The following PPFIBP2 variants were observed in gnomAD, a reference collection of about 807,000 sequenced individuals.
The protein encoded by PPFIBP2 is liprin-beta-2.
PPFIBP2 carries 118 observed loss-of-function variants against 118.3 expected under a neutral mutation model. The observed-to-expected ratio is 1.00, with a 90% CI of 0.86 to 1.16. PPFIBP2 has a LOEUF of 1.16. Ranked by LOEUF, PPFIBP2 falls within the 50% of genes most tolerant of loss-of-function variation. The pLI is 0.00. For synonymous variants in PPFIBP2, 414 were observed against 397.4 expected (o/e 1.04, Z -0.50); for missense variants, 1,195 against 1,073.1 (o/e 1.11, Z -1.59).
intron 2 of PPFIBP2, among the ~76,000 whole-genome samples, chr11:7,552,538 T>G (rs1012786369): frequency 1.3e-5 from 2 of 152,204 alleles, no homozygotes; most frequent in African/African-American, 4.8e-5. Flanking sequence ...TCTTGCTCCC[T>G]TATAGACTGT....
At chr11:7,635,659 A>G (rs372492137) in intron 14 of PPFIBP2, 66 bp downstream of exon 14, 52 of 1,514,558 alleles carry the variant, frequency 3.4e-5, no homozygotes, top group Non-Finnish European at 5.5e-6. Context: ...TTAATTTAGC[A>G]AGTCATAGTT....
intron 3 of PPFIBP2, chr11:7,577,330 T>TGTGTGTGTGTGTGC (rs1856534551): frequency 4.2e-6 from 1 of 239,884 alleles, no homozygotes; most frequent in Non-Finnish European, 8.4e-6. Flanking sequence ...CGTGTGTGTG[T>TGTGTGTGTGTGTGC]GTGTGTGTGT....
intron 23 of PPFIBP2, 122 bp downstream of exon 23, chr11:7,651,966 A>C: frequency 1.0e-6 from 1 of 972,280 alleles, no homozygotes; most frequent in Non-Finnish European, 1.5e-6. Flanking sequence ...AGGATCTTTC[A>C]GCTTCTGCTG....
At chr11:7,562,964 T>TACACACACACACAC (rs1854500580) in intron 2 of PPFIBP2, among the ~76,000 whole-genome samples, 1 of 62,836 alleles carries the variant, frequency 1.6e-5, no homozygotes, top group African/African-American at 7.6e-5. Context: ...TATATATATA[T>TACACACACACACAC]ATATATATAT....
chr11:7,596,956 G>A (rs909104105), intron 4 of PPFIBP2, among the ~76,000 whole-genome samples: 3 of 152,158 alleles, frequency 2.0e-5, no homozygotes, highest in Non-Finnish European at 4.4e-5. Context: ...GCCACCGTAT[G>A]TGTAATGTGG....
At chr11:7,522,194 G>A (rs1353474563) in intron 1 of PPFIBP2, among the ~76,000 whole-genome samples, 2 of 152,110 alleles carry the variant, frequency 1.3e-5, no homozygotes, top group African/African-American at 2.4e-5. Flanking sequence ...AGAGAGAAGG[G>A]AGCAGAGGCA....
chr11:7,535,766 G>T (rs556797114), intron 1 of PPFIBP2, among the ~76,000 whole-genome samples: 3 of 152,194 alleles, frequency 2.0e-5, no homozygotes, highest in African/African-American at 7.2e-5. Flanking sequence ...AGGTTCTCCA[G>T]TGCCCTGGTT....
At chr11:7,649,857 C>T (rs889263920) in intron 21 of PPFIBP2, among the ~76,000 whole-genome samples, 2 of 152,210 alleles carry the variant, frequency 1.3e-5, no homozygotes, top group Non-Finnish European at 2.9e-5. Context: ...GACCTCTAAG[C>T]TCCCACCCTC....
chr11:7,557,847 C>G (rs1853816235), intron 2 of PPFIBP2, among the ~76,000 whole-genome samples: 1 of 152,144 alleles, frequency 6.6e-6, no homozygotes, highest in African/African-American at 2.4e-5. Context: ...GCTATTGCTA[C>G]TCCTGTGGAC....
At chr11:7,549,320 GCTA>G in intron 1 of PPFIBP2, 117 bp from the exon 2 acceptor site, 2 of 877,814 alleles carry the variant, frequency 2.3e-6, no homozygotes, top group South Asian at 1.6e-5. Context: ...CTACATGTCG[GCTA>G]CTATGATTCT....
chr11:7,566,320 T>A (rs1219586821), intron 3 of PPFIBP2, among the ~76,000 whole-genome samples: 2 of 152,206 alleles, frequency 1.3e-5, no homozygotes, highest in African/African-American at 4.8e-5. Context: ...ATCCTGTATC[T>A]GGACAAAGAA....
intron 7 of PPFIBP2, among the ~76,000 whole-genome samples, chr11:7,621,785 A>G (rs931911163): frequency 1.3e-5 from 2 of 152,206 alleles, no homozygotes; most frequent in African/African-American, 4.8e-5. Flanking sequence ...GCCTTCCCCT[A>G]CTGTGTCTGC....
chr11:7,567,181 A>G (rs1413177668), intron 3 of PPFIBP2, among the ~76,000 whole-genome samples: 3 of 152,082 alleles, frequency 2.0e-5, no homozygotes, highest in Non-Finnish European at 4.4e-5. Flanking sequence ...AGAACAGATA[A>G]CTGTTCACCT....
intron 3 of PPFIBP2, among the ~76,000 whole-genome samples, chr11:7,570,916 G>T (rs1231005225): frequency 6.6e-6 from 1 of 152,180 alleles, no homozygotes; most frequent in Non-Finnish European, 1.5e-5. Context: ...TGTTCTGGGG[G>T]CTATATGGAG....
chr11:7,529,305 G>A (rs1431894463), intron 1 of PPFIBP2, among the ~76,000 whole-genome samples: 1 of 152,198 alleles, frequency 6.6e-6, no homozygotes, highest in Non-Finnish European at 1.5e-5. Flanking sequence ...AGTGACAGCT[G>A]AATGGGAAAT....
chr11:7,651,205 G>A lies in PPFIBP2; in HGVS notation c.2247+240G>A, dbSNP rs77742841. 17,287 of 436,048 alleles carry A rather than the reference G, an allele frequency of 0.04. 1,585 individuals are homozygous for A. Among genetic ancestry groups the A allele is most frequent in the African/African-American group, 0.24 (12,099 of 50,794 alleles). The allele number at this position is 436,048 out of a possible 1,614,324, so 27.0% of individuals were successfully genotyped here. A position where few individuals can be genotyped will look rare whatever the true frequency, so the allele number is the denominator to read the frequency against. On this transcript the variant is annotated intron_variant, in intron 22 of 23. Transcript: ENST00000299492. ...GCATGAGACTTGAGGATTCTAGGTC[G>A]ATGGGTTGCATGGAGACCAACGCTT...
chr11:7,666,270 G>A, the PPFIBP2 span: 1 of 602,292 alleles, frequency 1.7e-6, no homozygotes, highest in East Asian at 2.8e-5. Context: ...CTTAAAAGCA[G>A]GCCATCCCAA....
intron 3 of PPFIBP2, among the ~76,000 whole-genome samples, chr11:7,578,726 C>T (rs563848101): frequency 1.8e-4 from 28 of 152,048 alleles, no homozygotes; most frequent in East Asian, 9.7e-4. Flanking sequence ...GGGGTTGGGG[C>T]GGTCAGGGAG....
At chr11:7,546,993 T>C (rs956006883) in intron 1 of PPFIBP2, among the ~76,000 whole-genome samples, 2 of 152,260 alleles carry the variant, frequency 1.3e-5, no homozygotes, top group African/African-American at 4.8e-5. Flanking sequence ...GCTGCATGGA[T>C]CTGTCCATTT....
Sources: allele counts gnomAD v4.1 joint callset (sites outside exome capture counted in the v4.1 genomes callset), GRCh38; gene constraint gnomAD v4.1.1; transcripts MANE v1.5; gene names NCBI Gene and HGNC (gene_info 2026-07-23, HGNC 2026-07-21).